LMF1: variants seen among roughly 807,000 people sequenced by gnomAD.
The protein encoded by LMF1 is transmembrane protein 112.
In LMF1, 68 loss-of-function variants were observed where a neutral mutation model predicts 60.6. That is an observed-to-expected ratio of 1.12 (90% CI 0.92 to 1.37). The LOEUF (loss-of-function observed/expected upper bound fraction) is 1.37, where lower values mean the gene tolerates loss of function less well. Among genes scored for constraint, LMF1 ranks in the 40% most tolerant of loss-of-function variants. The pLI is 0.00. For missense variants in LMF1, 948 were observed against 767.2 expected, an observed-to-expected ratio of 1.24 and a Z score of -2.78; for synonymous variants, 418 against 324.7, an observed-to-expected ratio of 1.29 and a Z score of -3.09.
At chr16:976,938 G>A (rs1315184047) in intron 1 of LMF1, 2 of 454,154 alleles carry the variant, frequency 4.4e-6, no homozygotes, top group Non-Finnish European at 8.8e-6. Flanking sequence ...GTGTGTCAGG[G>A]GAGTGCGAGG....
rs929767334 is a variant in LMF1 at position 962,942 on chromosome 16, C to T, written c.193+7846G>A. Among the ~76,000 whole-genome samples, 4 of 152,260 alleles carry T rather than the reference C, an allele frequency of 2.6e-5. No individual in the cohort carries two copies. The highest frequency in any genetic ancestry group is 4.4e-5 in the Non-Finnish European group (3 of 68,022). ...GGGAGCAGGGCCACAGGCAGAGCAC[C>T]GCAGGGCCCTGGGCGACGAAAGGGT... is the stretch of plus-strand genomic sequence containing the variant. On this transcript the variant is annotated intron_variant, in intron 1 of 10. Transcript: ENST00000262301. This position sits in a 1 kb window ranked among gnomAD's most constrained non-coding sequence, Gnocchi z 4.5.
intron 5 of LMF1, chr16:881,627 T>A (rs2070165837): frequency 6.6e-6 from 1 of 152,268 alleles, no homozygotes; most frequent in African/African-American, 2.4e-5. Flanking sequence ...AGGGCTTGAG[T>A]GCCCCATGTG....
intron 6 of LMF1, among the ~76,000 whole-genome samples, chr16:877,382 G>C (rs979001899): frequency 3.3e-5 from 5 of 152,208 alleles, no homozygotes; most frequent in Non-Finnish European, 7.3e-5. Context: ...CAGTCACAGA[G>C]ACCCTGGCGG....
Position 963,435 on chromosome 16 carries a change from C to G in LMF1, c.193+7353G>C, listed in dbSNP as rs1040299494. On this transcript the variant is annotated intron_variant, in intron 1 of 10. Coordinates refer to ENST00000262301, the MANE Select transcript of LMF1 (RefSeq NM_022773.4). ...ACACATGTGCACATGTATACATGTG[C>G]ACCTGTGCATGGATGCCCTGTGTCC... Among the ~76,000 whole-genome samples, 10 of 152,014 alleles carry G rather than the reference C, an allele frequency of 6.6e-5. No homozygotes were observed. The South Asian group carries it at 8.3e-4, about 13-fold the overall frequency.
chr16:904,194 G>C (rs1408469655), intron 4 of LMF1, among the ~76,000 whole-genome samples: 2 of 91,292 alleles, frequency 2.2e-5, no homozygotes, highest in African/African-American at 1.3e-4. Flanking sequence ...TCTGCTGCGT[G>C]GTGGTGACCT....
intron 2 of LMF1, among the ~76,000 whole-genome samples, chr16:946,787 G>C (rs1204219414): frequency 6.6e-6 from 1 of 152,202 alleles, no homozygotes; most frequent in East Asian, 1.9e-4. Context: ...ACGTGCCCTG[G>C]TGGGCCTGAC....
intron 2 of LMF1, among the ~76,000 whole-genome samples, chr16:941,147 T>G (rs755190955): frequency 1.3e-5 from 2 of 152,220 alleles, no homozygotes; most frequent in African/African-American, 2.4e-5. Flanking sequence ...TTTATCTTTA[T>G]CCTTCCTCTT....
chr16:855,881 T>C (rs769727115), intron 10 of LMF1: 2 of 456,010 alleles, frequency 4.4e-6, no homozygotes, highest in South Asian at 1.5e-5. Flanking sequence ...CCTTGGGCCA[T>C]GCCCCTTAGG....
intron 1 of LMF1, among the ~76,000 whole-genome samples, chr16:960,249 C>G (rs973021796): frequency 1.3e-5 from 2 of 152,208 alleles, no homozygotes; most frequent in African/African-American, 4.8e-5. Flanking sequence ...AGGAGCTGAG[C>G]AGCAAACTCA....
At chr16:931,749 T>G (rs1283085289) in intron 3 of LMF1, 2 of 1,286,836 alleles carry the variant, frequency 1.6e-6, no homozygotes, top group Admixed American at 4.6e-5. Flanking sequence ...CTACTACGAG[T>G]CTTCTGAATT....
At chr16:864,353 A>G (rs1322510046) in intron 10 of LMF1, among the ~76,000 whole-genome samples, 1 of 152,214 alleles carries the variant, frequency 6.6e-6, no homozygotes, top group Non-Finnish European at 1.5e-5. Flanking sequence ...TTTCAGCTTT[A>G]CAATGGTGCG....
At chr16:875,666 C>G (rs907815763) in intron 6 of LMF1, among the ~76,000 whole-genome samples, 2 of 152,186 alleles carry the variant, frequency 1.3e-5, no homozygotes, top group Non-Finnish European at 2.9e-5. Context: ...GAGCACTCCC[C>G]ACTGCCAGGC....
intron 10 of LMF1, chr16:855,497 G>C: frequency 2.8e-6 from 1 of 358,192 alleles, no homozygotes; most frequent in Non-Finnish European, 5.5e-6. Flanking sequence ...TTCTCCTGGG[G>C]GTGGGACGAA....
At chr16:902,185 C>T (rs961945423) in intron 4 of LMF1, 1 of 152,538 alleles carries the variant, frequency 6.6e-6, no homozygotes. Context: ...CTTGCTCTGC[C>T]ACACGCCTGG....
chr16:964,323 A>T (rs2151489935), intron 1 of LMF1, among the ~76,000 whole-genome samples: 1 of 151,742 alleles, frequency 6.6e-6, no homozygotes, highest in Non-Finnish European at 1.5e-5. Context: ...AAGAATCAGA[A>T]AAAAAAAATC....
intron 1 of LMF1, among the ~76,000 whole-genome samples, chr16:978,097 GGACA>G (rs777221950): frequency 8.4e-4 from 106 of 126,872 alleles, no homozygotes; most frequent in Admixed American, 3.1e-3. Context: ...AAACACACAC[GGACA>G]CACACACACC....
rs148214356 is a variant in LMF1 at position 951,455 on chromosome 16, GC to G, written c.503+2901del. Among the ~76,000 whole-genome samples, 812 of 152,364 alleles carry G rather than the reference GC, an allele frequency of 5.3e-3. 7 individuals are homozygous for G. Among genetic ancestry groups the G allele is most frequent in the African/African-American group, 0.018 (757 of 41,580 alleles). On this transcript the variant is annotated intron_variant, in intron 2 of 10. Coordinates refer to ENST00000262301, the MANE Select transcript of LMF1 (RefSeq NM_022773.4). The stretch of plus-strand genomic sequence containing the variant: ...CAGGGCTCCAGCGTCCTGCAAGGCT[GC>G]GTGGCTTTATGTAACAGGAAGGCCA...
intron 2 of LMF1, among the ~76,000 whole-genome samples, chr16:951,156 CAG>C (rs560204708): frequency 4.7e-4 from 69 of 145,976 alleles, no homozygotes; most frequent in African/African-American, 6.4e-4. Context: ...ACGACAGAGT[CAG>C]AGCCAACGAC....
intron 5 of LMF1, among the ~76,000 whole-genome samples, chr16:889,322 G>A (rs2070407131): frequency 2.0e-5 from 3 of 152,210 alleles, no homozygotes; most frequent in Non-Finnish European, 4.4e-5. Context: ...GTTACCAGCA[G>A]ATGAAAAAAG....
Sources: allele counts gnomAD v4.1 joint callset (sites outside exome capture counted in the v4.1 genomes callset), GRCh38; gene constraint gnomAD v4.1.1; non-coding constraint Gnocchi (gnomAD v3.1); transcripts MANE v1.5; gene names NCBI Gene and HGNC (gene_info 2026-07-23, HGNC 2026-07-21).